IKZF3: variants seen among roughly 807,000 people sequenced by gnomAD.
IKZF3 encodes the protein zinc finger protein Aiolos.
IKZF3 carries 10 observed loss-of-function variants against 49.0 expected under a neutral mutation model. The ratio of observed to expected loss-of-function variants is 0.20; its 90% confidence interval spans 0.13 to 0.35. The LOEUF (loss-of-function observed/expected upper bound fraction) is 0.35, where lower values mean the gene tolerates loss of function less well. Among genes scored for constraint, IKZF3 ranks in the 10% least tolerant of loss-of-function variants. The pLI is 1.00. For synonymous variants in IKZF3, 209 were observed against 228.2 expected, an observed-to-expected ratio of 0.92 and a Z score of 0.76; for missense variants, 498 against 664.8, an observed-to-expected ratio of 0.75 and a Z score of 2.76.
chr17:39,790,961 C>G (rs954369650), intron 5 of IKZF3, among the ~76,000 whole-genome samples: 1 of 151,606 alleles, frequency 6.6e-6, no homozygotes, highest in Non-Finnish European at 1.5e-5. Flanking sequence ...CCCAAATGGC[C>G]AAAAAGTAGC....
intron 6 of IKZF3, among the ~76,000 whole-genome samples, chr17:39,779,504 C>T (rs2060674823): frequency 1.3e-5 from 2 of 152,204 alleles, no homozygotes; most frequent in South Asian, 4.1e-4. Context: ...AAAGAGATAC[C>T]AGCTTCTCTA....
At chr17:39,818,058 AT>A (rs953046215) in intron 3 of IKZF3, among the ~76,000 whole-genome samples, 1 of 152,234 alleles carries the variant, frequency 6.6e-6, no homozygotes, top group Non-Finnish European at 1.5e-5. Context: ...CCTCGGGTAT[AT>A]GGTACAGCCT....
At chr17:39,779,654 T>A (rs1263666807) in intron 6 of IKZF3, among the ~76,000 whole-genome samples, 2 of 126,960 alleles carry the variant, frequency 1.6e-5, no homozygotes, top group East Asian at 4.0e-4. Context: ...TTGTTTTTTG[T>A]TTTTTTTTTT....
At chr17:39,838,662 T>C (rs768715512) in intron 1 of IKZF3, among the ~76,000 whole-genome samples, 10 of 152,218 alleles carry the variant, frequency 6.6e-5, no homozygotes, top group Non-Finnish European at 1.2e-4. Flanking sequence ...TTCCATTATG[T>C]ATGCCATCTT....
chr17:39,852,842 G>T (rs1441556066), intron 1 of IKZF3, among the ~76,000 whole-genome samples: 1 of 152,102 alleles, frequency 6.6e-6, no homozygotes, highest in East Asian at 1.9e-4. Context: ...ATGGTGGTGC[G>T]TGCCTATAAT....
At chr17:39,849,706 G>C (rs2144490999) in intron 1 of IKZF3, among the ~76,000 whole-genome samples, 1 of 152,028 alleles carries the variant, frequency 6.6e-6, no homozygotes, top group South Asian at 2.1e-4. Flanking sequence ...GAAAACCTTA[G>C]ACGCTTCAGG....
chr17:39,832,561 T>C (rs573808128), intron 1 of IKZF3, among the ~76,000 whole-genome samples: 366 of 152,000 alleles, frequency 2.4e-3, no homozygotes, highest in Non-Finnish European at 4.2e-3. Context: ...TTAAAAAGAA[T>C]AAAATCATGT....
In IKZF3 at chr17:39,766,169, T is replaced by G; in HGVS notation, c.1151A>C (p.His384Pro). 1 of 1,614,052 alleles carries G rather than the reference T, an allele frequency of 6.2e-7. No individual in the cohort carries two copies. The highest frequency in any genetic ancestry group is 2.2e-5 in the East Asian group (1 of 44,874). The change falls in exon 8 of 8, where the codon CAC becomes CCC. Residue 384 changes from histidine to proline, a missense_variant. Physicochemically the swap from His to Pro is moderately conservative, Grantham distance 77. Transcript: ENST00000346872. ...ERGLSPNNSG[H>P]DSTDTDSNHE... The stretch of plus-strand genomic sequence containing the variant: ...GTTGCTGTCAGTGTCCGTGGAGTCG[T>G]GGCCACTATTGTTGGGAGAGAGGCC...
At chr17:39,824,392 T>C (rs565429306) in intron 3 of IKZF3, among the ~76,000 whole-genome samples, 7 of 152,314 alleles carry the variant, frequency 4.6e-5, no homozygotes, top group Non-Finnish European at 7.4e-5. Context: ...TTGTCTCAGA[T>C]GAGACTTTGG....
At chr17:39,771,816 T>G (rs906787029) in intron 7 of IKZF3, among the ~76,000 whole-genome samples, 8 of 152,142 alleles carry the variant, frequency 5.3e-5, no homozygotes, top group African/African-American at 1.9e-4. Context: ...CACAGCTCAC[T>G]GCAGCCTCAA....
intron 3 of IKZF3, among the ~76,000 whole-genome samples, chr17:39,804,445 C>CAA (rs755310056): frequency 1.2e-4 from 10 of 80,344 alleles, no homozygotes; most frequent in Admixed American, 2.9e-4. Flanking sequence ...GACTCTGTCT[C>CAA]AAAAAAAAAA....
At chr17:39,792,468 T>C (rs1402688546) in intron 4 of IKZF3, among the ~76,000 whole-genome samples, 3 of 152,006 alleles carry the variant, frequency 2.0e-5, no homozygotes, top group Non-Finnish European at 4.4e-5. Flanking sequence ...CTTTTTTTAT[T>C]CATAGCATTT....
chr17:39,848,911 G>A (rs1283150062), intron 1 of IKZF3, among the ~76,000 whole-genome samples: 1 of 152,044 alleles, frequency 6.6e-6, no homozygotes, highest in East Asian at 1.9e-4. Context: ...TTAAACTCTT[G>A]GCCTTGAATG....
chr17:39,817,761 T>C (rs2061709864), intron 3 of IKZF3, among the ~76,000 whole-genome samples: 1 of 152,330 alleles, frequency 6.6e-6, no homozygotes, highest in Non-Finnish European at 1.5e-5. Context: ...ATATATTTTA[T>C]AAAAGCAGGG....
At chr17:39,850,973 A>G (rs1031953537) in intron 1 of IKZF3, among the ~76,000 whole-genome samples, 2 of 142,734 alleles carry the variant, frequency 1.4e-5, no homozygotes, top group African/African-American at 5.2e-5. Flanking sequence ...ATATACGTGT[A>G]TATATTATAT....
intron 3 of IKZF3, among the ~76,000 whole-genome samples, chr17:39,820,407 GAAGT>G (rs1446515729): frequency 2.6e-5 from 4 of 152,188 alleles, no homozygotes; most frequent in African/African-American, 9.7e-5. Context: ...AAAAAGCCTG[GAAGT>G]AAGTACTCTG....
At chr17:39,802,883 C>A (rs960243808) in intron 3 of IKZF3, among the ~76,000 whole-genome samples, 2 of 150,566 alleles carry the variant, frequency 1.3e-5, no homozygotes, top group Admixed American at 6.6e-5. Context: ...ACTTCAAACA[C>A]AAGAGCATTA....
intron 1 of IKZF3, chr17:39,836,031 A>G (rs1485560382): frequency 4.7e-6 from 3 of 635,632 alleles, no homozygotes; most frequent in Non-Finnish European, 8.6e-6. Context: ...CTGCTGCCGC[A>G]GGAGGCTCTA....
At chr17:39,777,981 G>A (rs1478117988) in intron 6 of IKZF3, 1 of 1,224,484 alleles carries the variant, frequency 8.2e-7, no homozygotes, top group Non-Finnish European at 1.0e-6. Flanking sequence ...ATGCCGAGAT[G>A]GGAAAGCTCG....
Sources: gnomAD v4.1 joint callset for allele counts (sites outside exome capture counted in the v4.1 genomes callset) on GRCh38, gnomAD v4.1.1 for gene constraint, MANE v1.5 for transcripts, NCBI Gene and HGNC (gene_info 2026-07-23, HGNC 2026-07-21) for gene names.